The following SPIDR variants were observed in gnomAD, a reference collection of about 807,000 sequenced individuals.
The protein encoded by SPIDR is DNA repair-scaffolding protein.
SPIDR carries 93 observed loss-of-function variants against 104.6 expected under a neutral mutation model. That is an observed-to-expected ratio of 0.89 (90% CI 0.75 to 1.06). SPIDR has a LOEUF of 1.06. SPIDR is among the 50% of genes least tolerant of loss of function. SPIDR has a pLI of 0.00. For synonymous variants in SPIDR, 431 were observed against 416.9 expected (o/e 1.03, Z -0.41); for missense variants, 1,154 against 1,111.2 (o/e 1.04, Z -0.55).
intron 5 of SPIDR, among the ~76,000 whole-genome samples, chr8:47,334,364 T>G (rs1554606911): frequency 6.6e-6 from 1 of 152,198 alleles, no homozygotes; most frequent in Admixed American, 6.5e-5. Flanking sequence ...CTGTGAGAGA[T>G]CTTGAAGTCT....
At chr8:47,292,156 T>C (rs1389849180) in intron 4 of SPIDR, among the ~76,000 whole-genome samples, 1 of 152,342 alleles carries the variant, frequency 6.6e-6, no homozygotes, top group East Asian at 1.9e-4. Flanking sequence ...TTTTAAAATA[T>C]ACAAATCATC....
chr8:47,692,907 G>A (rs1156694065), intron 11 of SPIDR, among the ~76,000 whole-genome samples: 1 of 152,208 alleles, frequency 6.6e-6, no homozygotes, highest in East Asian at 1.9e-4. Context: ...CTGTGTGGAT[G>A]TCAGTTCTCA....
chr8:47,500,275 C>T (rs1376413604), intron 8 of SPIDR, among the ~76,000 whole-genome samples: 1 of 152,158 alleles, frequency 6.6e-6, no homozygotes, highest in African/African-American at 2.4e-5. Context: ...TAAAAGTGTT[C>T]CTATTTCTCT....
At chr8:47,626,701 C>T (rs1374241942) in intron 10 of SPIDR, among the ~76,000 whole-genome samples, 2 of 152,154 alleles carry the variant, frequency 1.3e-5, no homozygotes, top group Non-Finnish European at 2.9e-5. Context: ...CCATCTCATG[C>T]CAGTTAGAAT....
At chr8:47,511,843 C>A in intron 8 of SPIDR, 1 of 858,498 alleles carries the variant, frequency 1.2e-6, no homozygotes. Context: ...CTGTCCACTT[C>A]TCTCTGAGGC....
At chr8:47,585,405 G>A (rs1486595676) in intron 8 of SPIDR, among the ~76,000 whole-genome samples, 1 of 152,160 alleles carries the variant, frequency 6.6e-6, no homozygotes, top group Non-Finnish European at 1.5e-5. Flanking sequence ...ATTGATTAAT[G>A]TTATACAATG....
At chr8:47,580,819 C>A (rs903051436) in intron 8 of SPIDR, among the ~76,000 whole-genome samples, 7 of 152,146 alleles carry the variant, frequency 4.6e-5, no homozygotes, top group Non-Finnish European at 1.0e-4. Context: ...TAGTAAACAT[C>A]TGTTGAGACC....
chr8:47,440,461 G>A lies in SPIDR; in HGVS notation c.1016G>A (p.Gly339Asp), dbSNP rs1585746478. The A allele has an allele frequency of 2.5e-6, 4 of 1,614,190 alleles. No individual in the cohort carries two copies. In the East Asian group the frequency reaches 6.7e-5, roughly 27 times the overall value. The change falls in exon 8 of 20, where the codon GGC becomes GAC. Residue 339 changes from glycine to aspartate, a missense_variant. Coordinates refer to ENST00000297423, the MANE Select transcript of SPIDR (RefSeq NM_001080394.4). ...SQSVAPRPGA[G>D]LKVLFTKETA... ...AGTGTGGCTCCCAGGCCTGGAGCTG[G>A]CCTGAAAGTTCTCTTCACCAAGGAG...
chr8:47,355,776 G>A (rs1295218802), intron 5 of SPIDR, among the ~76,000 whole-genome samples: 2 of 152,098 alleles, frequency 1.3e-5, no homozygotes, highest in African/African-American at 4.8e-5. Context: ...TTCTTCCAAG[G>A]ACCTCTAAAC....
chr8:47,378,772 G>C, intron 5 of SPIDR, among the ~76,000 whole-genome samples: 1 of 152,244 alleles, frequency 6.6e-6, no homozygotes, highest in East Asian at 1.9e-4. Flanking sequence ...AAGATGGCAA[G>C]GTGGCACTTG....
intron 8 of SPIDR, among the ~76,000 whole-genome samples, chr8:47,503,789 T>TGC (rs2080981230): frequency 6.6e-6 from 1 of 152,094 alleles, no homozygotes; most frequent in Non-Finnish European, 1.5e-5. Flanking sequence ...TTCCTTTCCA[T>TGC]GTTTAGTGCT....
intron 7 of SPIDR, among the ~76,000 whole-genome samples, chr8:47,417,953 C>T (rs200292358): frequency 7.9e-5 from 12 of 152,090 alleles, no homozygotes; most frequent in South Asian, 4.2e-4. Context: ...GCATTATTTC[C>T]GAGGGCTCTG....
At chr8:47,389,928 A>G (rs1206765440) in intron 5 of SPIDR, among the ~76,000 whole-genome samples, 2 of 152,128 alleles carry the variant, frequency 1.3e-5, no homozygotes, top group Non-Finnish European at 2.9e-5. Flanking sequence ...ATAGATCCAG[A>G]TGATTGAAAA....
At chr8:47,379,346 C>T (rs1300711433) in intron 5 of SPIDR, among the ~76,000 whole-genome samples, 3 of 152,090 alleles carry the variant, frequency 2.0e-5, no homozygotes, top group Non-Finnish European at 4.4e-5. Context: ...AGTTTGGGAC[C>T]AGCCTGGGCA....
chr8:47,442,897 T>C (rs1341390124), intron 8 of SPIDR, among the ~76,000 whole-genome samples: 1 of 152,158 alleles, frequency 6.6e-6, no homozygotes, highest in Non-Finnish European at 1.5e-5. Flanking sequence ...ACCAGGCCTG[T>C]TCCCTTCTCA....
intron 8 of SPIDR, among the ~76,000 whole-genome samples, chr8:47,469,004 A>G (rs1447251046): frequency 6.6e-6 from 1 of 152,224 alleles, no homozygotes; most frequent in African/African-American, 2.4e-5. Flanking sequence ...AGGAAAAAAC[A>G]AAAAGCCTCT....
chr8:47,574,626 A>T (rs1443756531), intron 8 of SPIDR, among the ~76,000 whole-genome samples: 2 of 152,114 alleles, frequency 1.3e-5, no homozygotes, highest in East Asian at 3.9e-4. Flanking sequence ...AAAAAAAAAT[A>T]AAAACAAAAA....
intron 5 of SPIDR, among the ~76,000 whole-genome samples, chr8:47,298,598 A>G (rs1415510510): frequency 6.6e-6 from 1 of 152,172 alleles, no homozygotes; most frequent in Non-Finnish European, 1.5e-5. Context: ...TCTAACATGT[A>G]AGTCTTTAAT....
chr8:47,724,102 C>T (rs772027344), intron 16 of SPIDR, among the ~76,000 whole-genome samples: 2 of 152,134 alleles, frequency 1.3e-5, no homozygotes, highest in African/African-American at 2.4e-5. Context: ...CCTCATATCT[C>T]GCCATTTTCA....
Sources: gnomAD v4.1 joint callset for allele counts (sites outside exome capture counted in the v4.1 genomes callset) on GRCh38, gnomAD v4.1.1 for gene constraint, MANE v1.5 for transcripts, NCBI Gene and HGNC (gene_info 2026-07-23, HGNC 2026-07-21) for gene names.